SH3BGRL2: variants seen among roughly 807,000 people sequenced by gnomAD.
The protein encoded by SH3BGRL2 is SH3 domain-binding glutamic acid-rich-like protein 2.
A neutral mutation model predicts 14.8 loss-of-function variants in SH3BGRL2; 21 were observed. The observed-to-expected ratio is 1.42, with a 90% CI of 1.01 to 2.05. The LOEUF (loss-of-function observed/expected upper bound fraction) is 2.05, where lower values mean the gene tolerates loss of function less well. Ranked by LOEUF, SH3BGRL2 falls within the 30% of genes most tolerant of loss-of-function variation. SH3BGRL2 has a pLI of 0.00. For missense variants in SH3BGRL2, 147 were observed against 130.8 expected (o/e 1.12, Z -0.61); for synonymous variants, 50 against 47.8 (o/e 1.05, Z -0.19).
chr6:79,617,104 G>C, the SH3BGRL2 span, among the ~76,000 whole-genome samples: 1 of 151,912 alleles, frequency 6.6e-6, no homozygotes, highest in African/African-American at 2.4e-5. Context: ...AGAATTGCTT[G>C]AACCCAGGAG....
the SH3BGRL2 span, among the ~76,000 whole-genome samples, chr6:79,614,912 G>A: frequency 6.6e-6 from 1 of 152,118 alleles, no homozygotes; most frequent in Non-Finnish European, 1.5e-5. Flanking sequence ...TGAGACTCTG[G>A]GAGTAGAAAC....
At chr6:79,668,126 G>A (rs547907117) in intron 1 of SH3BGRL2, among the ~76,000 whole-genome samples, 21 of 152,238 alleles carry the variant, frequency 1.4e-4, no homozygotes, top group Admixed American at 1.0e-3. Flanking sequence ...AGACGTGTCT[G>A]GAAGCCTATG....
At chr6:79,628,397 A>G (rs1768769157), upstream of SH3BGRL2, among the ~76,000 whole-genome samples, 1 of 151,890 alleles carries the variant, frequency 6.6e-6, no homozygotes, top group Non-Finnish European at 1.5e-5. Context: ...TTCTAGCCAT[A>G]TGGTCTACCA....
intron 2 of SH3BGRL2, among the ~76,000 whole-genome samples, chr6:79,683,572 C>T (rs1770033127): frequency 6.6e-6 from 1 of 152,076 alleles, no homozygotes; most frequent in Admixed American, 6.5e-5. Flanking sequence ...CCTCAGCCTC[C>T]CGAGTAGCTG....
the SH3BGRL2 span, chr6:79,574,584 G>T: frequency 6.6e-6 from 1 of 152,132 alleles, no homozygotes; most frequent in Non-Finnish European, 1.5e-5. Context: ...TCAGTTTGGG[G>T]AGAAGAAAAA....
the SH3BGRL2 span, among the ~76,000 whole-genome samples, chr6:79,558,037 A>G: frequency 7.2e-5 from 11 of 152,390 alleles, no homozygotes; most frequent in Admixed American, 1.3e-4. Context: ...TTAATATCAT[A>G]AATAGAATCT....
intron 1 of SH3BGRL2, among the ~76,000 whole-genome samples, chr6:79,634,797 A>T (rs578082978): frequency 6.6e-6 from 1 of 152,322 alleles, no homozygotes; most frequent in African/African-American, 2.4e-5. Context: ...AGAAAAATAT[A>T]GGAGGCAGAG....
the SH3BGRL2 span, among the ~76,000 whole-genome samples, chr6:79,606,264 C>T: frequency 6.6e-6 from 1 of 152,188 alleles, no homozygotes. Context: ...GCAATACTTA[C>T]ATGAGATTTT....
the SH3BGRL2 span, among the ~76,000 whole-genome samples, chr6:79,580,212 C>T: frequency 6.6e-6 from 1 of 152,092 alleles, no homozygotes; most frequent in Non-Finnish European, 1.5e-5. Flanking sequence ...GACTTTAACA[C>T]CCCACTGTCA....
chr6:79,558,862 G>A, the SH3BGRL2 span, among the ~76,000 whole-genome samples: 1 of 152,088 alleles, frequency 6.6e-6, no homozygotes, highest in South Asian at 2.1e-4. Context: ...GGCACAAAAT[G>A]AACCTGAAAC....
the SH3BGRL2 span, among the ~76,000 whole-genome samples, chr6:79,543,750 C>T: frequency 6.6e-6 from 1 of 152,184 alleles, no homozygotes. Flanking sequence ...GAGTACTCTA[C>T]AGACATCAGT....
chr6:79,590,705 A>G, the SH3BGRL2 span, among the ~76,000 whole-genome samples: 1 of 151,928 alleles, frequency 6.6e-6, no homozygotes, highest in East Asian at 1.9e-4. Flanking sequence ...AATGTGGGGG[A>G]AAAACTACCT....
Position 79,699,553 on chromosome 6 carries a change from C to A in SH3BGRL2, c.*44C>A. On this transcript the variant is annotated 3_prime_UTR_variant, in exon 4 of 4. Transcript: ENST00000369838. ...GACGGAGATGCATTTTGAAGCACCC[C>A]TGGTACTCAGCACACACATGCTTAC... 1 of 1,539,454 alleles carries A rather than the reference C, an allele frequency of 6.5e-7. No homozygotes were observed. The highest frequency in any genetic ancestry group is 1.3e-5 in the South Asian group (1 of 78,336).
chr6:79,605,956 A>G, the SH3BGRL2 span, among the ~76,000 whole-genome samples: 1 of 152,212 alleles, frequency 6.6e-6, no homozygotes, highest in Non-Finnish European at 1.5e-5. Flanking sequence ...CAACTTAATT[A>G]TATTTTAATT....
Position 79,693,984 on chromosome 6 carries a change from G to A in SH3BGRL2, c.232-2501G>A, listed in dbSNP as rs1770281014. Among the ~76,000 whole-genome samples, 5 of 152,268 alleles carry A rather than the reference G, an allele frequency of 3.3e-5. No individual in the cohort carries two copies. In the South Asian group the frequency reaches 1.0e-3, roughly 32 times the overall value. ...GTGATGTGTTGATTTTGGAGTTACA[G>A]GGCCCAGTAAATAGTGGTGCCATTT... On this transcript the variant is annotated intron_variant, in intron 2 of 3. Coordinates refer to ENST00000369838, the MANE Select transcript of SH3BGRL2 (RefSeq NM_031469.4).
At chr6:79,625,052 A>C in the SH3BGRL2 span, among the ~76,000 whole-genome samples, 1 of 152,152 alleles carries the variant, frequency 6.6e-6, no homozygotes, top group Non-Finnish European at 1.5e-5. Flanking sequence ...GCATGCTTGT[A>C]GTTCCAGCTA....
the SH3BGRL2 span, among the ~76,000 whole-genome samples, chr6:79,564,853 G>T: frequency 2.6e-5 from 4 of 152,052 alleles, no homozygotes; most frequent in African/African-American, 9.7e-5. Context: ...TATCTGACCC[G>T]TAATATTCTC....
intron 1 of SH3BGRL2, among the ~76,000 whole-genome samples, chr6:79,663,604 G>A (rs1769598433): frequency 6.6e-6 from 1 of 152,206 alleles, no homozygotes; most frequent in Non-Finnish European, 1.5e-5. Context: ...GTGTCTCCCA[G>A]TTAGGCTACA....
chr6:79,692,456 C>G (rs1374696344), intron 2 of SH3BGRL2, among the ~76,000 whole-genome samples: 1 of 152,124 alleles, frequency 6.6e-6, no homozygotes, highest in Non-Finnish European at 1.5e-5. Context: ...AATGGTATTG[C>G]GTAGGTTTTC....
Sources: allele counts gnomAD v4.1 joint callset (sites outside exome capture counted in the v4.1 genomes callset), GRCh38; gene constraint gnomAD v4.1.1; transcripts MANE v1.5; gene names NCBI Gene and HGNC (gene_info 2026-07-23, HGNC 2026-07-21).